SH3KBP1: variants seen among roughly 807,000 people sequenced by gnomAD.
SH3KBP1 encodes SH3 domain-containing kinase-binding protein 1.
A neutral mutation model predicts 50.1 loss-of-function variants in SH3KBP1; 8 were observed. The observed-to-expected ratio is 0.16, with a 90% CI of 0.09 to 0.29. The LOEUF is 0.29. Among genes scored for constraint, SH3KBP1 ranks in the 10% least tolerant of loss-of-function variants. The pLI is 1.00. For synonymous variants in SH3KBP1, 227 were observed against 218.6 expected, an observed-to-expected ratio of 1.04 and a Z score of -0.34; for missense variants, 377 against 535.2, an observed-to-expected ratio of 0.70 and a Z score of 2.92.
At chrX:19,657,809 A>G (rs1444203039) in intron 6 of SH3KBP1, among the ~76,000 whole-genome samples, 4 of 109,080 alleles carry the variant, frequency 3.7e-5, no homozygotes, top group Non-Finnish European at 7.6e-5. Context: ...AGTAAAAATA[A>G]GCCACTTACA....
chrX:19,642,165 G>A lies in SH3KBP1; in HGVS notation c.802+3235C>T, dbSNP rs922052101. Among the ~76,000 whole-genome samples the A allele has an allele frequency of 4.5e-5, 5 of 111,741 alleles. No individual in the cohort carries two copies. In the South Asian group the frequency reaches 1.5e-3, roughly 34 times the overall value. On this transcript the variant is annotated intron_variant, in intron 7 of 17. Coordinates refer to ENST00000397821, the MANE Select transcript of SH3KBP1 (RefSeq NM_031892.3). ...GTGCTAACGGCTTTTAAAAAACTGTGCAATCTACAGCCTGATAAATCATAA... is the reference window on the plus strand; with the variant it reads ...GTGCTAACGGCTTTTAAAAAACTGTACAATCTACAGCCTGATAAATCATAA...
At chrX:19,778,015 G>A (rs770267208) in intron 2 of SH3KBP1, among the ~76,000 whole-genome samples, 20 of 111,369 alleles carry the variant, frequency 1.8e-4, no homozygotes, top group Non-Finnish European at 3.2e-4. Flanking sequence ...CCCGTGTGGG[G>A]GCAGGGATTC....
chrX:19,843,356 T>C (rs2147459414), intron 1 of SH3KBP1, among the ~76,000 whole-genome samples: 1 of 110,473 alleles, frequency 9.1e-6, no homozygotes, highest in South Asian at 3.9e-4. Flanking sequence ...CTCTTCTCTA[T>C]GCAAGTCTGC....
At chrX:19,664,536 C>T (rs1419271898) in intron 6 of SH3KBP1, among the ~76,000 whole-genome samples, 1 of 111,739 alleles carries the variant, frequency 8.9e-6, no homozygotes, top group Admixed American at 9.5e-5. Flanking sequence ...TTTCTCTTCT[C>T]CTGCCAGATG....
chrX:19,709,504 A>G (rs1228504586), intron 3 of SH3KBP1, among the ~76,000 whole-genome samples: 1 of 112,297 alleles, frequency 8.9e-6, no homozygotes, highest in Non-Finnish European at 1.9e-5. Flanking sequence ...CCAAGCTAGT[A>G]AGTGGCAGCA....
In SH3KBP1 at chrX:19,782,245, C is replaced by T. The variant is rs769948958; in HGVS notation, c.163-35804G>A. On this transcript the variant is annotated intron_variant, in intron 2 of 17. Coordinates refer to ENST00000397821, the MANE Select transcript of SH3KBP1 (RefSeq NM_031892.3). ...GAAGGCAGAGAGAGGAGTGATGCGGCTGGAAGCAAAGGAAAGCCAGGAGCC... is the reference window on the plus strand; with the variant it reads ...GAAGGCAGAGAGAGGAGTGATGCGGTTGGAAGCAAAGGAAAGCCAGGAGCC... 2.7e-5 allele frequency among the ~76,000 whole-genome samples: 3 copies of T among 111,606 alleles called. No individual in the cohort carries two copies. The East Asian group carries it at 8.4e-4, about 31-fold the overall frequency.
chrX:19,791,926 G>A (rs1190256460), intron 2 of SH3KBP1, among the ~76,000 whole-genome samples: 1 of 111,342 alleles, frequency 9.0e-6, no homozygotes, highest in East Asian at 2.8e-4. Flanking sequence ...AATTTTGAGG[G>A]GTAAAGGTAT....
intron 2 of SH3KBP1, among the ~76,000 whole-genome samples, chrX:19,753,742 T>C (rs775387435): frequency 9.0e-6 from 1 of 111,590 alleles, no homozygotes; most frequent in Non-Finnish European, 1.9e-5. Flanking sequence ...AAAATACCCA[T>C]GCTATCAAAC....
At chrX:19,639,252 G>A (rs759274746) in intron 7 of SH3KBP1, among the ~76,000 whole-genome samples, 1 of 111,546 alleles carries the variant, frequency 9.0e-6, no homozygotes, top group Admixed American at 9.5e-5. Flanking sequence ...AACCACCTTC[G>A]GTCTCGGATG....
At chrX:19,864,409 C>T (rs756130351) in intron 1 of SH3KBP1, among the ~76,000 whole-genome samples, 10 of 111,588 alleles carry the variant, frequency 9.0e-5, no homozygotes, top group Non-Finnish European at 1.5e-4. Flanking sequence ...ATCAGCTGGC[C>T]TTACAAAAGG....
intron 3 of SH3KBP1, among the ~76,000 whole-genome samples, chrX:19,712,075 C>T (rs2063789789): frequency 8.9e-6 from 1 of 112,309 alleles, no homozygotes; most frequent in African/African-American, 3.2e-5. Flanking sequence ...AGACTCTAAT[C>T]TATGTCTCTT....
rs2065070914 is a variant in SH3KBP1, at chrX:19,545,981, G to A, written c.1564C>T (p.Leu522Phe). The change falls in exon 15 of 18, where the codon CTT becomes TTT. Residue 522 changes from leucine (L) to phenylalanine (F), a missense_variant. Physicochemically the swap from Leu to Phe is conservative, Grantham distance 22. This residue lies in a region of SH3KBP1 where 110 missense variants were observed against 124.1 expected (regional missense o/e 0.89). Coordinates refer to ENST00000397821, the MANE Select transcript of SH3KBP1 (RefSeq NM_031892.3). ...PEEDKEEHIS[L>F]AHRGVDASKK... ...GACGCGTCCACTCCTCTGTGCGCAA[G>A]TGAAATGTGTTCCTCCTTATCCTCT... 1 of 1,208,889 alleles carries A rather than the reference G, an allele frequency of 8.3e-7. No homozygotes were observed. The highest frequency in any genetic ancestry group is 1.8e-5 in the African/African-American group (1 of 57,120).
At chrX:19,828,694 G>C (rs889908743) in intron 2 of SH3KBP1, among the ~76,000 whole-genome samples, 1 of 111,602 alleles carries the variant, frequency 9.0e-6, no homozygotes, top group Non-Finnish European at 1.9e-5. Flanking sequence ...TGTGGCAAGA[G>C]GATCACTTGA....
chrX:19,760,041 C>CCTCTCTCTCTCTCTCTCCCTCTCTCT (rs2065351862), intron 2 of SH3KBP1, among the ~76,000 whole-genome samples: 2 of 50,447 alleles, frequency 4.0e-5, no homozygotes, highest in Non-Finnish European at 7.1e-5. Context: ...TCTCTCTCTC[C>CCTCTCTCTCTCTCTCTCCCTCTCTCT]CTCTCTCTCT....
chrX:19,720,779 A>T (rs1026568188), intron 3 of SH3KBP1, among the ~76,000 whole-genome samples: 3 of 111,648 alleles, frequency 2.7e-5, no homozygotes, highest in African/African-American at 9.8e-5. Context: ...AGACACAAAC[A>T]TTTGAAGAAC....
Position 19,565,051 on chromosome X carries a change from A to ATT in SH3KBP1, c.1384+4050_1384+4051dup, listed in dbSNP as rs59323105. Among the ~76,000 whole-genome samples the ATT allele has an allele frequency of 7.3e-3, 488 of 66,499 alleles. 58 individuals carry two copies. Among genetic ancestry groups the ATT allele is most frequent in the African/African-American group, 0.016 (218 of 13,293 alleles). The allele number at this position is 66,499 out of a possible 115,157, so 57.7% of individuals were successfully genotyped here. On this transcript the variant is annotated intron_variant, in intron 13 of 17. Transcript: ENST00000397821. The stretch of plus-strand genomic sequence containing the variant: ...TCAGAGAGACCTGGCTTCAACTCCA[A>ATT]TTTTTTTTTTTTTTTTTTTTTTTTT...
chrX:19,818,172 T>C (rs2067418929), intron 2 of SH3KBP1, among the ~76,000 whole-genome samples: 1 of 112,398 alleles, frequency 8.9e-6, no homozygotes, highest in African/African-American at 3.2e-5. Flanking sequence ...AATGCATAAC[T>C]GTATTTCAAT....
intron 2 of SH3KBP1, among the ~76,000 whole-genome samples, chrX:19,792,741 C>T (rs377080118): frequency 1.4e-4 from 12 of 87,677 alleles, no homozygotes; most frequent in Admixed American, 6.8e-4. Context: ...TGTCTGGAGA[C>T]GCTTTCCTTT....
At chrX:19,540,920 CTTT>C (rs771269101) in intron 16 of SH3KBP1, among the ~76,000 whole-genome samples, 4 of 103,949 alleles carry the variant, frequency 3.8e-5, no homozygotes, top group Non-Finnish European at 8.0e-5. Context: ...TGCCTCCCTA[CTTT>C]TTTTTTTTTT....
Sources: allele counts gnomAD v4.1 joint callset (sites outside exome capture counted in the v4.1 genomes callset), GRCh38; gene constraint gnomAD v4.1.1; regional missense constraint gnomAD v4.1.1; transcripts MANE v1.5; gene names NCBI Gene and HGNC (gene_info 2026-07-23, HGNC 2026-07-21).